The following ATP2B2 variants were observed in gnomAD, a reference collection of about 807,000 sequenced individuals.
The protein encoded by ATP2B2 is plasma membrane calcium-transporting ATPase 2.
Under a neutral mutation model 120.0 loss-of-function variants are expected in ATP2B2, and 15 were observed. The observed-to-expected ratio is 0.12, with a 90% confidence interval of 0.08 to 0.19. The LOEUF is 0.19. Among genes scored for constraint, ATP2B2 ranks in the 10% least tolerant of loss-of-function variants. ATP2B2 has a pLI of 1.00. For missense variants in ATP2B2, 1,045 were observed against 1,719.8 expected (o/e 0.61, Z 6.94); for synonymous variants, 694 against 700.3 (o/e 0.99, Z 0.14).
chr3:10,655,004 C>A (rs1207269675), intron 1 of ATP2B2, among the ~76,000 whole-genome samples: 1 of 152,164 alleles, frequency 6.6e-6, no homozygotes, highest in Non-Finnish European at 1.5e-5. Context: ...GCTTGGAAGA[C>A]CTGCACAGTT....
intron 11 of ATP2B2, among the ~76,000 whole-genome samples, chr3:10,372,297 T>C (rs1199512201): frequency 6.6e-6 from 1 of 152,204 alleles, no homozygotes; most frequent in African/African-American, 2.4e-5. Context: ...GTTAATTGAA[T>C]TTATTAATTT....
At chr3:10,330,013 T>C (rs2059935574) in intron 22 of ATP2B2, among the ~76,000 whole-genome samples, 1 of 152,230 alleles carries the variant, frequency 6.6e-6, no homozygotes. Context: ...TGGGGTCTCT[T>C]ATTTCCTGGG....
intron 2 of ATP2B2, among the ~76,000 whole-genome samples, chr3:10,435,954 T>C (rs930942668): frequency 6.6e-6 from 1 of 152,274 alleles, no homozygotes; most frequent in Non-Finnish European, 1.5e-5. Context: ...AGTGGCATTC[T>C]GCTTTCCTTT....
chr3:10,483,416 C>T (rs2065494079), intron 1 of ATP2B2, among the ~76,000 whole-genome samples: 1 of 152,192 alleles, frequency 6.6e-6, no homozygotes. Flanking sequence ...TTTTGAATGG[C>T]AACAATGGGC....
chr3:10,426,049 C>T (rs543733589), intron 2 of ATP2B2, among the ~76,000 whole-genome samples: 3 of 152,194 alleles, frequency 2.0e-5, no homozygotes, highest in Admixed American at 1.3e-4. Flanking sequence ...TGACACCAGC[C>T]TCTTTTCTGA....
At chr3:10,502,681 C>T (rs1332511236) in intron 1 of ATP2B2, among the ~76,000 whole-genome samples, 3 of 152,244 alleles carry the variant, frequency 2.0e-5, no homozygotes, top group East Asian at 1.9e-4. Context: ...GACGACACAG[C>T]GGTCCGGCTG....
At chr3:10,654,766 C>T (rs145165837) in intron 1 of ATP2B2, among the ~76,000 whole-genome samples, 80 of 117,686 alleles carry the variant, frequency 6.8e-4, no homozygotes, top group Non-Finnish European at 1.2e-3. Context: ...ATTGAAATCT[C>T]TTGGGAAGCT....
chr3:10,572,052 C>G (rs978873792), intron 2 of ATP2B2, among the ~76,000 whole-genome samples: 1 of 152,190 alleles, frequency 6.6e-6, no homozygotes, highest in African/African-American at 2.4e-5. Flanking sequence ...AATCTAGACT[C>G]TAAGAGGTAC....
At chr3:10,531,396 TA>T (rs1559443081) in intron 3 of ATP2B2, among the ~76,000 whole-genome samples, 2 of 152,264 alleles carry the variant, frequency 1.3e-5, no homozygotes, top group Non-Finnish European at 2.9e-5. Context: ...AGAGCCATAC[TA>T]CCTGGGTTCA....
intron 2 of ATP2B2, among the ~76,000 whole-genome samples, chr3:10,560,854 C>T (rs1007897787): frequency 6.6e-6 from 1 of 152,160 alleles, no homozygotes; most frequent in African/African-American, 2.4e-5. Context: ...CCCCTCACAG[C>T]ACCATCTCTT....
chr3:10,443,068 C>T (rs1559344253), intron 2 of ATP2B2, among the ~76,000 whole-genome samples: 1 of 152,222 alleles, frequency 6.6e-6, no homozygotes, highest in Non-Finnish European at 1.5e-5. Flanking sequence ...GGTCCCAGCT[C>T]ATGCCTAGCA....
chr3:10,603,748 G>A (rs1480150420), intron 2 of ATP2B2, among the ~76,000 whole-genome samples: 5 of 152,084 alleles, frequency 3.3e-5, no homozygotes, highest in African/African-American at 1.2e-4. Flanking sequence ...GGTGTTCACA[G>A]ATCTTCGTTC....
intron 22 of ATP2B2, chr3:10,336,144 G>C: frequency 1.3e-6 from 2 of 1,550,634 alleles, no homozygotes. Flanking sequence ...GCTGCAGCAG[G>C]AGGAAGGCTG....
chr3:10,676,662 G>T (rs2125697860), intron 1 of ATP2B2, among the ~76,000 whole-genome samples: 1 of 152,224 alleles, frequency 6.6e-6, no homozygotes, highest in South Asian at 2.1e-4. Context: ...TGGCTCTTTG[G>T]TCCATCAATC....
At chr3:10,545,264 T>C (rs2067520555) in intron 2 of ATP2B2, among the ~76,000 whole-genome samples, 1 of 152,246 alleles carries the variant, frequency 6.6e-6, no homozygotes, top group South Asian at 2.1e-4. Flanking sequence ...GTGCAGTGGC[T>C]CATGCCTGTA....
intron 14 of ATP2B2, 115 bp from the exon 15 acceptor site, chr3:10,350,692 A>T: frequency 1.8e-6 from 2 of 1,138,274 alleles, no homozygotes; most frequent in Non-Finnish European, 1.3e-6. Flanking sequence ...AGGGGACTAG[A>T]TGACTATGAG....
intron 1 of ATP2B2, among the ~76,000 whole-genome samples, chr3:10,668,877 C>G (rs943245264): frequency 6.6e-6 from 1 of 152,226 alleles, no homozygotes; most frequent in Non-Finnish European, 1.5e-5. Flanking sequence ...AGGCAGCACA[C>G]AGTAGGCGCT....
intron 1 of ATP2B2, among the ~76,000 whole-genome samples, chr3:10,627,338 T>C (rs2069732172): frequency 6.6e-6 from 1 of 152,158 alleles, no homozygotes; most frequent in Non-Finnish European, 1.5e-5. Context: ...GGAGAGAATA[T>C]TGGAAAGACT....
intron 5 of ATP2B2, chr3:10,394,398 C>T (rs1325179434): frequency 2.1e-6 from 1 of 468,852 alleles, no homozygotes; most frequent in East Asian, 7.0e-5. Context: ...CAAGTTCAAT[C>T]CCCAGCCCCT....
Sources: gnomAD v4.1 joint callset for allele counts (sites outside exome capture counted in the v4.1 genomes callset) on GRCh38, gnomAD v4.1.1 for gene constraint, MANE v1.5 for transcripts, NCBI Gene and HGNC (gene_info 2026-07-23, HGNC 2026-07-21) for gene names.